WNK2: variants seen among roughly 807,000 people sequenced by gnomAD.
WNK2 encodes the protein serine/threonine-protein kinase WNK2.
Under a neutral mutation model 192.1 loss-of-function variants are expected in WNK2, and 67 were observed. The ratio of observed to expected loss-of-function variants is 0.35; its 90% CI spans 0.29 to 0.43. The LOEUF (loss-of-function observed/expected upper bound fraction) is 0.43. Among genes scored for constraint, WNK2 ranks in the 20% least tolerant of loss-of-function variants. The pLI is 1.00. For synonymous variants in WNK2, 1,439 were observed against 1,393.9 expected (o/e 1.03, Z -0.72); for missense variants, 2,698 against 3,089.7 (o/e 0.87, Z 3.01).
Position 93,184,935 on chromosome 9 carries a change from C to T in WNK2, c.6C>T (p.Asp2=), listed in dbSNP as rs1243465206. 18 of 1,176,406 alleles carry T rather than the reference C, an allele frequency of 1.5e-5. No homozygotes were observed. The highest frequency in any genetic ancestry group is 4.0e-5 in the South Asian group (1 of 24,696). The allele number at this position is 1,176,406 out of a possible 1,614,324, so 72.9% of individuals were successfully genotyped here. A position where few individuals can be genotyped will look rare whatever the true frequency, so the allele number is the denominator to read the frequency against. The change falls in exon 2 of 30, where the codon GAC becomes GAT. Residue 2 remains aspartate (D), a synonymous_variant. Coordinates refer to ENST00000427277, the MANE Select transcript of WNK2 (RefSeq NM_006648.4). Reference sequence around the variant, plus strand: ...TGTGTCCTTGGCCCACAGAGATGGACGGCGATGGCGGCCGCCGAGACGTCC... The same window carrying T: ...TGTGTCCTTGGCCCACAGAGATGGATGGCGATGGCGGCCGCCGAGACGTCC... M[D]GDGGRRDVPG...
intron 19 of WNK2, among the ~76,000 whole-genome samples, chr9:93,272,330 T>C (rs1184003065): frequency 6.6e-6 from 1 of 152,226 alleles, no homozygotes; most frequent in African/African-American, 2.4e-5. Context: ...AAACTACTAA[T>C]TCCATGTAGA....
chr9:93,263,901 ATGC>A lies in WNK2; in HGVS notation c.3580-12_3580-10del, dbSNP rs1219091061. On this transcript the variant is annotated splice_polypyrimidine_tract_variant and intron_variant, in intron 15 of 29. Coordinates refer to ENST00000427277, the MANE Select transcript of WNK2 (RefSeq NM_006648.4). ...GTGGGTACGCCCGTGGTGGGTGCTGATGCTGCCCCTTCCAGGTGTGCAACACTG... is the reference window on the plus strand; with the variant it reads ...GTGGGTACGCCCGTGGTGGGTGCTGATGCCCCTTCCAGGTGTGCAACACTG... The A allele has an allele frequency of 3.7e-6, 6 of 1,603,244 alleles. No individual in the cohort carries two copies. Among genetic ancestry groups the A allele is most frequent in the Non-Finnish European group, 5.1e-6 (6 of 1,175,602 alleles).
chr9:93,267,534 G>A (rs1029948182), intron 16 of WNK2, among the ~76,000 whole-genome samples: 6 of 152,234 alleles, frequency 3.9e-5, no homozygotes, highest in African/African-American at 1.4e-4. Flanking sequence ...CTTGGAGGAG[G>A]GAGTTGCTTC....
chr9:93,232,069 G>T (rs78614763), intron 4 of WNK2, among the ~76,000 whole-genome samples: 2,870 of 152,334 alleles, frequency 0.019, 39 homozygotes, highest in Non-Finnish European at 0.031. Flanking sequence ...GATTGGGAGA[G>T]GCTCCCCCAT....
rs764889057 is a variant in WNK2 at position 93,185,629 on chromosome 9, G to T, written c.681+19G>T. On this transcript the variant is annotated intron_variant, in intron 2 of 29. Coordinates refer to ENST00000427277, the MANE Select transcript of WNK2 (RefSeq NM_006648.4). ...GCTGCAGGTGAGGGTGCCCCAGCCC[G>T]CAGGGGGCTTTCCGCAGGGTCTGTC... 11 of 1,599,058 alleles carry T rather than the reference G, an allele frequency of 6.9e-6. No individual in the cohort carries two copies. The East Asian group carries it at 1.4e-4, about 20-fold the overall frequency.
intron 27 of WNK2, chr9:93,307,600 C>T (rs1852816787): frequency 6.6e-6 from 1 of 152,308 alleles, no homozygotes; most frequent in African/African-American, 2.4e-5. Context: ...CAGAGCGGCT[C>T]CCAGCTCCCT....
intron 23 of WNK2, among the ~76,000 whole-genome samples, chr9:93,294,705 CAG>C (rs1237136079): frequency 2.0e-5 from 3 of 151,980 alleles, no homozygotes; most frequent in African/African-American, 4.8e-5. Flanking sequence ...GAGCCAGAGA[CAG>C]AGGGTAGAGA....
intron 26 of WNK2, among the ~76,000 whole-genome samples, chr9:93,305,547 T>C (rs1588594090): frequency 6.6e-6 from 1 of 152,062 alleles, no homozygotes; most frequent in Non-Finnish European, 1.5e-5. Context: ...GAACACCACC[T>C]CACCTTTCCC....
intron 2 of WNK2, among the ~76,000 whole-genome samples, chr9:93,197,311 G>A (rs1831448658): frequency 6.6e-6 from 1 of 152,224 alleles, no homozygotes; most frequent in Admixed American, 6.5e-5. Flanking sequence ...GATAGGACCT[G>A]AGGCACTCAG....
intron 23 of WNK2, among the ~76,000 whole-genome samples, chr9:93,295,720 CCCCTCACCTTCCT>C (rs1850158691): frequency 6.6e-6 from 1 of 151,014 alleles, no homozygotes; most frequent in Non-Finnish European, 1.5e-5. Context: ...TCACCATCCT[CCCCTCACCTTCCT>C]CCCCCACCTT....
rs536217497 is a variant in WNK2 at position 93,229,660 on chromosome 9, A to G, written c.682-36A>G. ...GCCACCGTGTCCCCTTCTGTGTCCCATCTCTTGCCCACTTAGCATGTCTCT... is the reference window on the plus strand; with the variant it reads ...GCCACCGTGTCCCCTTCTGTGTCCCGTCTCTTGCCCACTTAGCATGTCTCT... On this transcript the variant is annotated intron_variant, in intron 2 of 29. Transcript: ENST00000427277. This position sits in a 1 kb window ranked among gnomAD's most constrained non-coding sequence, Gnocchi z 4.9. 1 of 1,597,900 alleles carries G rather than the reference A, an allele frequency of 6.3e-7. No homozygotes were observed. The highest frequency in any genetic ancestry group is 2.3e-5 in the East Asian group (1 of 44,416).
Position 93,256,477 on chromosome 9 carries a change from C to T in WNK2, c.2190+23C>T, listed in dbSNP as rs1261050518. 7.3e-6 allele frequency: 11 copies of T among 1,499,998 alleles called. No homozygotes were observed. The East Asian group carries it at 1.3e-4, about 17-fold the overall frequency. The allele number at this position is 1,499,998 out of a possible 1,614,324, so 92.9% of individuals were successfully genotyped here. On this transcript the variant is annotated intron_variant, in intron 10 of 29. Coordinates refer to ENST00000427277, the MANE Select transcript of WNK2 (RefSeq NM_006648.4). ...CAGGTGAGTGTGGCACCTCCTGTGG[C>T]CACTGTCCCTCCAGGCAGGCAGTCA...
Position 93,289,180 on chromosome 9 carries a change from C to T in WNK2, c.4426C>T (p.Pro1476Ser). ...CGCCAGTGCCCCAAGGGAGCCCCTG[C>T]CACCTCCTGCACCTGAGCCCAGCCC... Reference protein sequence around the residue: ...RDASAPREPLPPPAPEPSPHS... With the variant: ...RDASAPREPLSPPAPEPSPHS... The change falls in exon 20 of 30, where the codon CCA (proline) becomes TCA (serine). Residue 1476 changes from proline (P) to serine (S), a missense_variant. Pro to Ser is a moderately conservative substitution (Grantham distance 74, BLOSUM62 -1). Around this residue, in one of 7 missense-constraint regions of WNK2, gnomAD observed 1,098 missense variants for 1,101.0 expected, o/e 1.00. Coordinates refer to ENST00000427277, the MANE Select transcript of WNK2 (RefSeq NM_006648.4). The T allele has an allele frequency of 6.3e-7, 1 of 1,599,964 alleles. No homozygotes were observed. Among genetic ancestry groups the T allele is most frequent in the Non-Finnish European group, 8.5e-7 (1 of 1,175,076 alleles).
chr9:93,319,412 GC>G (rs1376339563), intron 29 of WNK2: 1 of 985,232 alleles, frequency 1.0e-6, no homozygotes, highest in Non-Finnish European at 1.2e-6. Context: ...GGGCTGCCTG[GC>G]CCCCAACACT....
At chr9:93,296,650 C>G (rs559386456) in intron 23 of WNK2, among the ~76,000 whole-genome samples, 1 of 102,020 alleles carries the variant, frequency 9.8e-6, no homozygotes, top group South Asian at 4.1e-4. Context: ...CCTCCCCTCA[C>G]CTTTCTCCCC....
intron 29 of WNK2, among the ~76,000 whole-genome samples, chr9:93,319,860 C>T (rs1330381199): frequency 1.3e-5 from 2 of 152,216 alleles, no homozygotes; most frequent in Admixed American, 6.5e-5. Flanking sequence ...CCCAGCATCC[C>T]ACTAAAGACA....
chr9:93,211,213 A>ATCCACTCACTCACTCAC (rs1563997067), intron 2 of WNK2, among the ~76,000 whole-genome samples: 8 of 2,364 alleles, frequency 3.4e-3, no homozygotes, highest in East Asian at 0.015. Flanking sequence ...TACTCATTCA[A>ATCCACTCACTCACTCAC]TCACTCATCC....
intron 27 of WNK2, chr9:93,307,175 G>A (rs771429536): frequency 4.4e-5 from 15 of 341,508 alleles, no homozygotes; most frequent in South Asian, 2.4e-4. Context: ...GCCTCCCCAC[G>A]AGGAGAGATG....
At position 93,252,999 on chromosome 9, in the gene WNK2, G is replaced by T. The variant is rs1284583587; in HGVS notation, c.1951G>T (p.Val651Leu). The T allele has an allele frequency of 1.9e-6, 3 of 1,564,268 alleles. No homozygotes were observed. The South Asian group carries it at 3.5e-5, about 18-fold the overall frequency. Residue 651 changes from valine (V) to leucine (L), a missense_variant, in exon 9 of 30, where the codon GTG becomes TTG. Physicochemically the swap from Val to Leu is conservative, Grantham distance 32. This residue lies in a region of WNK2 where 893 missense variants were observed against 909.0 expected (regional missense o/e 0.98). Transcript: ENST00000427277. ...CGCAGCGCCGTCCCCGGCCCAGTGT[G>T]TGTGCAGCCCCCCTGTGAGCGAGGG... ...ADAAPSPAQC[V>L]CSPPVSEGPV...
Sources: gnomAD v4.1 joint callset for allele counts (sites outside exome capture counted in the v4.1 genomes callset) on GRCh38, gnomAD v4.1.1 for gene constraint, gnomAD v4.1.1 regional missense constraint, Gnocchi (gnomAD v3.1) non-coding constraint, MANE v1.5 for transcripts, NCBI Gene and HGNC (gene_info 2026-07-23, HGNC 2026-07-21) for gene names.